TAFA1: variants seen among roughly 807,000 people sequenced by gnomAD.
TAFA1 encodes the protein TAFA chemokine like family member 1, also known as chemokine-like protein TAFA-1.
TAFA1 carries 4 observed loss-of-function variants against 18.5 expected under a neutral mutation model. The observed-to-expected ratio is 0.22, with a 90% CI of 0.11 to 0.49. The LOEUF (loss-of-function observed/expected upper bound fraction) is 0.49. Among genes scored for constraint, TAFA1 ranks in the 20% least tolerant of loss-of-function variants. TAFA1 has a pLI of 0.98. For synonymous variants in TAFA1, 56 were observed against 55.2 expected (o/e 1.01, Z -0.06); for missense variants, 147 against 169.0 (o/e 0.87, Z 0.72).
At chr3:68,419,452 AT>A (rs1204111597) in intron 3 of TAFA1, among the ~76,000 whole-genome samples, 1 of 152,174 alleles carries the variant, frequency 6.6e-6, no homozygotes, top group East Asian at 1.9e-4. Context: ...CTAATACCAA[AT>A]TTAGACCACC....
intron 3 of TAFA1, among the ~76,000 whole-genome samples, chr3:68,519,081 C>A (rs919271689): frequency 3.3e-5 from 5 of 152,140 alleles, no homozygotes; most frequent in African/African-American, 1.2e-4. Context: ...ATGTAAAAGG[C>A]TAATTAGAAT....
chr3:68,008,062 GCTGGGGGCTGTTT>G, intron 2 of TAFA1, among the ~76,000 whole-genome samples: 1 of 152,238 alleles, frequency 6.6e-6, no homozygotes. Flanking sequence ...AGGGGCTGAG[GCTGGGGGCTGTTT>G]CTGGGCCCTG....
intron 2 of TAFA1, among the ~76,000 whole-genome samples, chr3:68,289,105 A>C (rs1015994690): frequency 2.6e-5 from 4 of 152,212 alleles, no homozygotes; most frequent in South Asian, 2.1e-4. Context: ...GTGAAGAAAT[A>C]GTATATTTTT....
intron 2 of TAFA1, among the ~76,000 whole-genome samples, chr3:68,372,541 G>T (rs1233965075): frequency 2.6e-5 from 4 of 152,128 alleles, no homozygotes; most frequent in African/African-American, 9.7e-5. Flanking sequence ...TGGTCAAAAT[G>T]CCATTTTTAC....
At chr3:67,997,205 C>A in the TAFA1 span, among the ~76,000 whole-genome samples, 1 of 152,184 alleles carries the variant, frequency 6.6e-6, no homozygotes. Context: ...AAACATCTTA[C>A]AATTCTGAGC....
intron 2 of TAFA1, among the ~76,000 whole-genome samples, chr3:68,092,480 C>G (rs1270404509): frequency 6.6e-6 from 1 of 152,086 alleles, no homozygotes; most frequent in Non-Finnish European, 1.5e-5. Flanking sequence ...TGGGAAGAAG[C>G]TATGAAGAAC....
chr3:68,152,142 C>G (rs1446468799), intron 2 of TAFA1, among the ~76,000 whole-genome samples: 2 of 152,112 alleles, frequency 1.3e-5, no homozygotes, highest in African/African-American at 4.8e-5. Context: ...ATTTGAAATT[C>G]ATTTCTATAT....
intron 2 of TAFA1, among the ~76,000 whole-genome samples, chr3:68,232,046 CATTT>C (rs1454346458): frequency 3.3e-5 from 5 of 152,156 alleles, no homozygotes; most frequent in African/African-American, 9.7e-5. Flanking sequence ...TCACCTCAGA[CATTT>C]ATCATTTCTT....
chr3:68,194,567 T>C (rs2066388400), intron 2 of TAFA1, among the ~76,000 whole-genome samples: 1 of 151,746 alleles, frequency 6.6e-6, no homozygotes, highest in African/African-American at 2.4e-5. Context: ...GCAATATTTT[T>C]GTTATTGTTG....
chr3:68,332,945 CAATT>C, intron 2 of TAFA1, among the ~76,000 whole-genome samples: 1 of 152,128 alleles, frequency 6.6e-6, no homozygotes, highest in Non-Finnish European at 1.5e-5. Flanking sequence ...ATCAAAACCA[CAATT>C]AAATAACATT....
intron 2 of TAFA1, among the ~76,000 whole-genome samples, chr3:68,019,946 A>C (rs1360660560): frequency 6.6e-6 from 1 of 152,190 alleles, no homozygotes; most frequent in Non-Finnish European, 1.5e-5. Flanking sequence ...GAATCCTTCC[A>C]AGCACAGTAT....
chr3:68,238,170 G>A (rs980403652), intron 2 of TAFA1, among the ~76,000 whole-genome samples: 11 of 152,172 alleles, frequency 7.2e-5, no homozygotes, highest in South Asian at 4.1e-4. Flanking sequence ...GTTCACACCC[G>A]TTGAGACACA....
At chr3:68,199,058 G>C (rs1178016005) in intron 2 of TAFA1, among the ~76,000 whole-genome samples, 1 of 151,536 alleles carries the variant, frequency 6.6e-6, no homozygotes, top group African/African-American at 2.4e-5. Flanking sequence ...AGAGTATAAA[G>C]TCTGTGCCTT....
chr3:68,042,503 G>T (rs1468681021), intron 2 of TAFA1, among the ~76,000 whole-genome samples: 2 of 152,134 alleles, frequency 1.3e-5, no homozygotes, highest in African/African-American at 4.8e-5. Context: ...AAAAAAATTA[G>T]CTTGGTGTGG....
At chr3:68,077,590 C>G (rs1371814325) in intron 2 of TAFA1, among the ~76,000 whole-genome samples, 11 of 151,636 alleles carry the variant, frequency 7.3e-5, no homozygotes, top group East Asian at 1.9e-4. Context: ...GCTTGTTTTT[C>G]TCAGGTTTGT....
chr3:68,338,395 T>C (rs2069013742), intron 2 of TAFA1, among the ~76,000 whole-genome samples: 1 of 152,220 alleles, frequency 6.6e-6, no homozygotes, highest in Admixed American at 6.5e-5. Flanking sequence ...TATGCTTTGT[T>C]TGTCTTCTAG....
At chr3:68,446,694 T>G (rs988812167) in intron 3 of TAFA1, among the ~76,000 whole-genome samples, 1 of 152,204 alleles carries the variant, frequency 6.6e-6, no homozygotes, top group Non-Finnish European at 1.5e-5. Flanking sequence ...ACAGGTTAAC[T>G]TTCCCTTTTG....
intron 2 of TAFA1, among the ~76,000 whole-genome samples, chr3:68,097,709 G>C (rs867871876): frequency 1.3e-5 from 2 of 152,104 alleles, no homozygotes; most frequent in African/African-American, 4.8e-5. Context: ...GCGTGCCTGG[G>C]ACTTAGTGCT....
chr3:68,356,057 A>G (rs1364489605), intron 2 of TAFA1, among the ~76,000 whole-genome samples: 1 of 152,024 alleles, frequency 6.6e-6, no homozygotes, highest in East Asian at 1.9e-4. Context: ...AGCAATAGCC[A>G]CAAGTGGCTA....
Sources: gnomAD v4.1 joint callset for allele counts (sites outside exome capture counted in the v4.1 genomes callset) on GRCh38, gnomAD v4.1.1 for gene constraint, MANE v1.5 for transcripts, NCBI Gene and HGNC (gene_info 2026-07-23, HGNC 2026-07-21) for gene names.